The following IL1RAPL2 variants were observed in gnomAD, a reference collection of about 807,000 sequenced individuals.
IL1RAPL2 encodes the protein interleukin 1 receptor accessory protein like 2, also known as X-linked interleukin-1 receptor accessory protein-like 2.
Under a neutral mutation model 44.1 loss-of-function variants are expected in IL1RAPL2, and 3 were observed. The observed-to-expected ratio is 0.07, with a 90% CI of 0.03 to 0.18. The LOEUF (loss-of-function observed/expected upper bound fraction) is 0.18. Ranked by LOEUF, IL1RAPL2 falls within the 10% of genes least tolerant of loss-of-function variation. The pLI is 1.00. For synonymous variants in IL1RAPL2, 181 were observed against 178.8 expected (o/e 1.01, Z -0.10); for missense variants, 391 against 496.4 (o/e 0.79, Z 2.02).
chrX:105,546,610 T>C (rs951140054), intron 6 of IL1RAPL2, among the ~76,000 whole-genome samples: 8 of 111,338 alleles, frequency 7.2e-5, no homozygotes, highest in African/African-American at 2.3e-4. Flanking sequence ...TCTGGATGAA[T>C]TGTAGTATAT....
chrX:104,717,761 C>A lies in IL1RAPL2; in HGVS notation c.82+58766C>A, dbSNP rs768863036. On this transcript the variant is annotated intron_variant, in intron 2 of 10. Coordinates refer to ENST00000372582, the MANE Select transcript of IL1RAPL2 (RefSeq NM_017416.2). Reference sequence around the variant, plus strand: ...TCTCTCCTAATGCTATCTCCCCCCCCCACCCCACAACAGTCCCCGGTGTGT... The same window carrying A: ...TCTCTCCTAATGCTATCTCCCCCCCACACCCCACAACAGTCCCCGGTGTGT... Among the ~76,000 whole-genome samples the A allele has an allele frequency of 5.5e-5, 6 of 109,182 alleles. No individual in the cohort carries two copies. In the South Asian group the frequency reaches 1.7e-3, roughly 30 times the overall value. The allele number at this position is 109,182 out of a possible 115,157, so 94.8% of individuals were successfully genotyped here.
intron 2 of IL1RAPL2, among the ~76,000 whole-genome samples, chrX:104,888,286 G>C (rs1200828056): frequency 9.3e-6 from 1 of 107,996 alleles, no homozygotes; most frequent in Non-Finnish European, 1.9e-5. Context: ...AGGAAGGAGA[G>C]AGAGAGGAGA....
At chrX:105,075,807 T>G (rs1001404395) in intron 2 of IL1RAPL2, among the ~76,000 whole-genome samples, 42 of 112,220 alleles carry the variant, frequency 3.7e-4, no homozygotes, top group Non-Finnish European at 7.1e-4. Context: ...CCATTTCTTG[T>G]AGATTTTCTA....
chrX:104,892,692 T>C (rs1403627903), intron 2 of IL1RAPL2, among the ~76,000 whole-genome samples: 1 of 111,883 alleles, frequency 8.9e-6, no homozygotes, highest in Non-Finnish European at 1.9e-5. Flanking sequence ...TTTTCTTCTT[T>C]ATTAGTCTTG....
At chrX:105,454,404 CCCACCTGTCATT>C (rs2036040943) in intron 5 of IL1RAPL2, among the ~76,000 whole-genome samples, 1 of 111,423 alleles carries the variant, frequency 9.0e-6, no homozygotes, top group Admixed American at 9.6e-5. Flanking sequence ...ATCCCTTGGT[CCCACCTGTCATT>C]CCACCATGCC....
chrX:104,945,673 T>C (rs1473967815), intron 2 of IL1RAPL2, among the ~76,000 whole-genome samples: 1 of 112,173 alleles, frequency 8.9e-6, no homozygotes, highest in East Asian at 2.8e-4. Context: ...CAAAGTGAAA[T>C]GTATAGTGTA....
chrX:104,842,705 G>A (rs1194971799), intron 2 of IL1RAPL2, among the ~76,000 whole-genome samples: 1 of 112,244 alleles, frequency 8.9e-6, no homozygotes, highest in Non-Finnish European at 1.9e-5. Flanking sequence ...TTTTCACCTG[G>A]ATATCACCAG....
intron 5 of IL1RAPL2, among the ~76,000 whole-genome samples, chrX:105,405,220 A>G (rs1602396822): frequency 8.9e-6 from 1 of 111,823 alleles, no homozygotes; most frequent in Non-Finnish European, 1.9e-5. Context: ...ATGCATTTTC[A>G]TATGTCTGTA....
intron 7 of IL1RAPL2, among the ~76,000 whole-genome samples, chrX:105,727,899 T>TTTAAG (rs1218033326): frequency 9.9e-5 from 11 of 111,536 alleles, no homozygotes; most frequent in East Asian, 5.7e-4. Flanking sequence ...TTAGAGCAGA[T>TTTAAG]TTAAGTTCAC....
intron 5 of IL1RAPL2, among the ~76,000 whole-genome samples, chrX:105,269,722 A>G (rs2034432780): frequency 8.9e-6 from 1 of 111,854 alleles, no homozygotes; most frequent in Admixed American, 9.6e-5. Flanking sequence ...GCGTCGCAGC[A>G]TCATCACTTT....
intron 2 of IL1RAPL2, among the ~76,000 whole-genome samples, chrX:104,793,426 G>T (rs767004383): frequency 8.9e-6 from 1 of 111,925 alleles, no homozygotes; most frequent in Admixed American, 9.5e-5. Flanking sequence ...TAAGTGTTCT[G>T]TAGAGAAAGG....
chrX:104,886,078 G>C (rs1311208543), intron 2 of IL1RAPL2, among the ~76,000 whole-genome samples: 1 of 113,128 alleles, frequency 8.8e-6, no homozygotes, highest in Non-Finnish European at 1.9e-5. Flanking sequence ...TCCTGTCCCA[G>C]ATGACTGTCC....
chrX:105,017,588 T>G (rs1458229268), intron 2 of IL1RAPL2, among the ~76,000 whole-genome samples: 1 of 110,838 alleles, frequency 9.0e-6, no homozygotes, highest in East Asian at 2.9e-4. Context: ...CTTAACAATC[T>G]AAGGACCCAA....
chrX:105,439,047 T>G (rs376076153), intron 5 of IL1RAPL2, among the ~76,000 whole-genome samples: 2 of 111,420 alleles, frequency 1.8e-5, no homozygotes, highest in South Asian at 3.8e-4. Flanking sequence ...TCTCTCCTGC[T>G]GCCAGGTAAG....
chrX:105,543,780 C>A (rs2036764918), intron 6 of IL1RAPL2, among the ~76,000 whole-genome samples: 1 of 112,128 alleles, frequency 8.9e-6, no homozygotes. Flanking sequence ...ATTTCTGTTC[C>A]ATTAAATCTA....
chrX:105,075,665 C>G (rs2032285858), intron 2 of IL1RAPL2, among the ~76,000 whole-genome samples: 1 of 112,029 alleles, frequency 8.9e-6, no homozygotes, highest in East Asian at 2.8e-4. Context: ...GTGAATCCAT[C>G]TGGTCCTGGA....
intron 3 of IL1RAPL2, among the ~76,000 whole-genome samples, chrX:105,203,693 A>G (rs782655134): frequency 1.2e-4 from 13 of 111,622 alleles, no homozygotes; most frequent in South Asian, 3.7e-4. Context: ...CAGTTCTCCT[A>G]TTACTTGACC....
At chrX:104,738,890 T>G (rs765365585) in intron 2 of IL1RAPL2, among the ~76,000 whole-genome samples, 1 of 112,334 alleles carries the variant, frequency 8.9e-6, no homozygotes, top group South Asian at 3.7e-4. Context: ...CAGCGAGCTA[T>G]TATTGCACCA....
intron 2 of IL1RAPL2, among the ~76,000 whole-genome samples, chrX:104,805,489 T>C (rs1476405656): frequency 2.7e-5 from 3 of 111,864 alleles, no homozygotes; most frequent in African/African-American, 9.8e-5. Context: ...AGTACATTTA[T>C]TGAAATGAAA....
Sources: allele counts gnomAD v4.1 joint callset (sites outside exome capture counted in the v4.1 genomes callset), GRCh38; gene constraint gnomAD v4.1.1; transcripts MANE v1.5; gene names NCBI Gene and HGNC (gene_info 2026-07-23, HGNC 2026-07-21).